The following CTNNA2 variants were observed in gnomAD, a reference collection of about 807,000 sequenced individuals.
The protein encoded by CTNNA2 is catenin alpha-2.
CTNNA2 carries 42 observed loss-of-function variants against 101.0 expected under a neutral mutation model. That is an observed-to-expected ratio of 0.42 (90% CI 0.32 to 0.54). The LOEUF (loss-of-function observed/expected upper bound fraction) is 0.54, where lower values mean the gene tolerates loss of function less well. CTNNA2 is among the 20% of genes least tolerant of loss of function. The probability of loss-of-function intolerance (pLI) is 0.14; values close to 1 mark genes in which losing one functional copy is unlikely to be tolerated. For synonymous variants in CTNNA2, 450 were observed against 456.4 expected (o/e 0.99, Z 0.18); for missense variants, 871 against 1,223.1 (o/e 0.71, Z 4.29).
intron 7 of CTNNA2, among the ~76,000 whole-genome samples, chr2:80,238,041 C>G (rs557777859): frequency 8.6e-5 from 13 of 151,646 alleles, no homozygotes; most frequent in Admixed American, 8.5e-4. Flanking sequence ...TCTGTGCCGT[C>G]CAAGGACAAG....
At chr2:79,513,778 C>T (rs1436630002) in intron 1 of CTNNA2, among the ~76,000 whole-genome samples, 3 of 152,150 alleles carry the variant, frequency 2.0e-5, no homozygotes, top group African/African-American at 7.2e-5. Flanking sequence ...CTGCCAACAG[C>T]CCCCATACCC....
At chr2:79,890,342 A>C (rs1434097) in intron 6 of CTNNA2, among the ~76,000 whole-genome samples, 5,035 of 152,270 alleles carry the variant, frequency 0.033, 363 homozygotes, top group East Asian at 0.31. Context: ...ATGCAATCTA[A>C]GAATGTGCAT....
chr2:80,039,617 T>A (rs574686616), intron 7 of CTNNA2, among the ~76,000 whole-genome samples: 9 of 152,166 alleles, frequency 5.9e-5, no homozygotes, highest in Non-Finnish European at 4.4e-5. Flanking sequence ...TTCTAAGATA[T>A]TGGTCCTAAA....
chr2:79,586,722 A>G (rs1676516161), intron 1 of CTNNA2, among the ~76,000 whole-genome samples: 1 of 152,082 alleles, frequency 6.6e-6, no homozygotes, highest in African/African-American at 2.4e-5. Flanking sequence ...TTTTTGTTAC[A>G]TGAACAAGTT....
chr2:79,770,772 CT>C (rs1478750007), intron 3 of CTNNA2, among the ~76,000 whole-genome samples: 3 of 152,166 alleles, frequency 2.0e-5, no homozygotes, highest in Non-Finnish European at 2.9e-5. Flanking sequence ...ATTGTTGAGA[CT>C]GGAGCACCTT....
intron 2 of CTNNA2, among the ~76,000 whole-genome samples, chr2:79,222,806 T>G (rs1381193772): frequency 6.6e-6 from 1 of 151,930 alleles, no homozygotes; most frequent in Non-Finnish European, 1.5e-5. Flanking sequence ...TGGGAGGTGA[T>G]TAGATCAGAA....
chr2:79,930,344 GAA>G (rs1687353516), intron 7 of CTNNA2, among the ~76,000 whole-genome samples: 5 of 115,352 alleles, frequency 4.3e-5, no homozygotes, highest in Non-Finnish European at 7.8e-5. Context: ...AAGAAAGAAA[GAA>G]AGAAAGAAAG....
At chr2:79,567,501 C>G (rs947928662) in intron 1 of CTNNA2, among the ~76,000 whole-genome samples, 1 of 152,086 alleles carries the variant, frequency 6.6e-6, no homozygotes, top group African/African-American at 2.4e-5. Flanking sequence ...TCTACCTAGA[C>G]TACCCTTCCC....
At chr2:79,520,746 C>G (rs189120139) in intron 1 of CTNNA2, among the ~76,000 whole-genome samples, 1 of 151,850 alleles carries the variant, frequency 6.6e-6, no homozygotes, top group East Asian at 1.9e-4. Context: ...TATAATTCAC[C>G]GAAATAATTA....
chr2:79,923,849 T>C (rs1235323820), intron 7 of CTNNA2, among the ~76,000 whole-genome samples: 2 of 152,128 alleles, frequency 1.3e-5, no homozygotes, highest in Non-Finnish European at 2.9e-5. Flanking sequence ...ATAGTATTTG[T>C]CATTTTGTGT....
At chr2:79,894,063 T>TTCTTCC (rs772035711) in intron 6 of CTNNA2, among the ~76,000 whole-genome samples, 2,021 of 60,768 alleles carry the variant, frequency 0.033, 119 homozygotes, top group East Asian at 0.068. Context: ...CTTCTTCTTC[T>TTCTTCC]TCCTCCTCCT....
intron 2 of CTNNA2, among the ~76,000 whole-genome samples, chr2:79,220,094 G>T (rs1432127083): frequency 6.6e-6 from 1 of 152,014 alleles, no homozygotes; most frequent in Non-Finnish European, 1.5e-5. Context: ...TTCTTTGACT[G>T]ATTCAACTCT....
chr2:79,725,698 A>T (rs541457450), intron 2 of CTNNA2, among the ~76,000 whole-genome samples: 1 of 151,956 alleles, frequency 6.6e-6, no homozygotes, highest in African/African-American at 2.4e-5. Context: ...TCACATTTTT[A>T]TTTCTTTCTA....
chr2:80,606,317 A>G (rs1182073022), intron 16 of CTNNA2, among the ~76,000 whole-genome samples: 1 of 151,232 alleles, frequency 6.6e-6, no homozygotes, highest in Non-Finnish European at 1.5e-5. Context: ...ATTTTCAACT[A>G]TGCAACCTAA....
chr2:80,541,430 G>T (rs942266526), intron 9 of CTNNA2, among the ~76,000 whole-genome samples: 31 of 152,150 alleles, frequency 2.0e-4, no homozygotes, highest in African/African-American at 7.5e-4. Flanking sequence ...GCCAAGCATT[G>T]CTAGCTTGGT....
intron 7 of CTNNA2, among the ~76,000 whole-genome samples, chr2:80,240,738 A>G (rs1670871315): frequency 6.6e-6 from 1 of 152,146 alleles, no homozygotes; most frequent in East Asian, 1.9e-4. Context: ...TGGGAATGTA[A>G]GATCATTAAA....
intron 9 of CTNNA2, among the ~76,000 whole-genome samples, chr2:80,539,063 G>A (rs1691299160): frequency 6.6e-6 from 1 of 152,116 alleles, no homozygotes; most frequent in South Asian, 2.1e-4. Context: ...CTGTTGCCCA[G>A]ACCAGAGTGG....
At chr2:79,444,299 T>G (rs1019840952) in intron 4 of CTNNA2, among the ~76,000 whole-genome samples, 3 of 152,130 alleles carry the variant, frequency 2.0e-5, no homozygotes, top group Non-Finnish European at 2.9e-5. Context: ...GATATTTGAC[T>G]TTTTTCCCAA....
chr2:79,929,288 A>G (rs1687229875), intron 7 of CTNNA2, among the ~76,000 whole-genome samples: 1 of 152,188 alleles, frequency 6.6e-6, no homozygotes, highest in African/African-American at 2.4e-5. Flanking sequence ...AGATTCAAGG[A>G]ATCAGAGATG....
Sources: gnomAD v4.1 joint callset for allele counts (sites outside exome capture counted in the v4.1 genomes callset) on GRCh38, gnomAD v4.1.1 for gene constraint, MANE v1.5 for transcripts, NCBI Gene and HGNC (gene_info 2026-07-23, HGNC 2026-07-21) for gene names.